The following MYBPC2 variants were observed in gnomAD, a reference collection of about 807,000 sequenced individuals.
The protein encoded by MYBPC2 is myosin-binding protein C, fast-type.
Under a neutral mutation model 137.0 loss-of-function variants are expected in MYBPC2, and 122 were observed. The observed-to-expected ratio is 0.89, with a 90% confidence interval of 0.77 to 1.03. The LOEUF (loss-of-function observed/expected upper bound fraction) is 1.03. Ranked by LOEUF, MYBPC2 falls within the 50% of genes least tolerant of loss-of-function variation. The pLI, the probability that MYBPC2 is intolerant of heterozygous loss-of-function variation, is 0.00. For synonymous variants in MYBPC2, 626 were observed against 612.3 expected (o/e 1.02, Z -0.33); for missense variants, 1,500 against 1,534.4 (o/e 0.98, Z 0.37).
Position 50,465,211 on chromosome 19 carries a change from G to A in MYBPC2, c.3415+679G>A, listed in dbSNP as rs1306056062. 1.3e-5 allele frequency among the ~76,000 whole-genome samples: 2 copies of A among 152,068 alleles called. No homozygotes were observed. Among genetic ancestry groups the A allele is most frequent in the African/African-American group, 4.8e-5 (2 of 41,418 alleles). On this transcript the variant is annotated intron_variant, in intron 27 of 27. Transcript: ENST00000357701. This position sits in a 1 kb window ranked among gnomAD's most constrained non-coding sequence, Gnocchi z 4.5. ...GCCCCTCCGCCTGGTGTTCACGGTG[G>A]TGTGTCCACCCCGGTTCTTCCCACA...
At position 50,461,936 on chromosome 19, in the gene MYBPC2, A is replaced by T. The variant is rs1264253742; in HGVS notation, c.3128A>T (p.Asp1043Val). 1.3e-6 allele frequency: 2 copies of T among 1,595,536 alleles called. No homozygotes were observed. Among genetic ancestry groups the T allele is most frequent in the Admixed American group, 1.7e-5 (1 of 57,514 alleles). Residue 1043 changes from aspartate to valine, a missense_variant, in exon 26 of 28, where the codon GAC becomes GTC. Transcript: ENST00000357701. ...TFKPFEYKEH[D>V]FRMAPKFLTP... is the part of the protein sequence containing the mutation. ...AAACCGTTCGAGTATAAGGAGCATG[A>T]CTTCCGGATGGCTCCCAAGTTCCTG...
At chr19:50,443,845 T>C (rs1210704018) in intron 11 of MYBPC2, 29 bp downstream of exon 11, 26 of 1,588,660 alleles carry the variant, frequency 1.6e-5, no homozygotes, top group Middle Eastern at 1.7e-4. Flanking sequence ...CTGATCTCCA[T>C]ACAGGTGCAC....
chr19:50,443,590 G>A lies in MYBPC2; in HGVS notation c.999G>A (p.Glu333=), dbSNP rs1223476853. 6.2e-7 allele frequency: 1 copy of A among 1,613,428 alleles called. No homozygotes were observed. Among genetic ancestry groups the A allele is most frequent in the Non-Finnish European group, 8.5e-7 (1 of 1,179,622 alleles). ...DAAYEVAVKD[E]KCFTELFVKE... ...CCTATGAAGTAGCTGTCAAGGATGA[G>A]AAGTGTTTCACCGAGCTCTTCGTCA... The change falls in exon 10 of 28, where the codon GAG becomes GAA. Residue 333 remains glutamate (E), a synonymous_variant. Coordinates refer to ENST00000357701, the MANE Select transcript of MYBPC2 (RefSeq NM_004533.4).
chr19:50,456,892 C>T (rs890822914), intron 20 of MYBPC2, among the ~76,000 whole-genome samples: 1 of 152,238 alleles, frequency 6.6e-6, no homozygotes, highest in Admixed American at 6.5e-5. Context: ...CATCCACTCT[C>T]CATCCTCCAC....
At chr19:50,436,505 C>G in intron 4 of MYBPC2, 112 bp from the exon 5 acceptor site, 2 of 996,544 alleles carry the variant, frequency 2.0e-6, no homozygotes, top group South Asian at 1.5e-5. Context: ...CATTGGCCCC[C>G]CTGTGGGGTG....
At chr19:50,453,953 G>A in intron 16 of MYBPC2, 67 bp from the exon 17 acceptor site, 3 of 1,501,810 alleles carry the variant, frequency 2.0e-6, no homozygotes, top group Non-Finnish European at 2.7e-6. Flanking sequence ...CAGGGGAATG[G>A]CAGAGGCAGG....
In MYBPC2 at chr19:50,465,193, C is replaced by T. The variant is rs780418554; in HGVS notation, c.3415+661C>T. 2.6e-5 allele frequency among the ~76,000 whole-genome samples: 4 copies of T among 152,150 alleles called. No individual in the cohort carries two copies. Among genetic ancestry groups the T allele is most frequent in the Non-Finnish European group, 4.4e-5 (3 of 68,018 alleles). ...ACTCCCCACCGCCCCAGCGCCCCTCCGCCTGGTGTTCACGGTGGTGTGTCC... is the reference window on the plus strand; with the variant it reads ...ACTCCCCACCGCCCCAGCGCCCCTCTGCCTGGTGTTCACGGTGGTGTGTCC... On this transcript the variant is annotated intron_variant, in intron 27 of 27. Transcript: ENST00000357701. This position sits in a 1 kb window ranked among gnomAD's most constrained non-coding sequence, Gnocchi z 4.5.
intron 26 of MYBPC2, among the ~76,000 whole-genome samples, chr19:50,462,711 G>C (rs1031098827): frequency 1.3e-5 from 2 of 152,058 alleles, no homozygotes; most frequent in Non-Finnish European, 2.9e-5. Context: ...TGAGTAGCTA[G>C]GATTACAGGC....
At chr19:50,453,928 T>C (rs1403856351) in intron 16 of MYBPC2, 92 bp from the exon 17 acceptor site, 1 of 1,385,068 alleles carries the variant, frequency 7.2e-7, no homozygotes, top group South Asian at 1.4e-5. Flanking sequence ...TGGGGAATCA[T>C]GGGAGGATTC....
chr19:50,436,029 G>A lies in MYBPC2; in HGVS notation c.214G>A (p.Val72Met), dbSNP rs147768888. The A allele has an allele frequency of 9.7e-5, 154 of 1,581,872 alleles. No individual in the cohort carries two copies. Among genetic ancestry groups the A allele is most frequent in the Non-Finnish European group, 1.1e-4 (127 of 1,163,802 alleles). The change falls in exon 4 of 28, where the codon GTG (valine) becomes ATG (methionine). Residue 72 changes from valine (V) to methionine (M), a missense_variant. Physicochemically the swap from Val to Met is conservative, Grantham distance 21 (BLOSUM62 1). Transcript: ENST00000357701. ...CCATGTAGGGAAGGACGCAGTGGTC[G>A]TGGCCAAGGTGAACGGGAAGGAGCT... Reference protein sequence around the residue: ...SVETGKDAVVVAKVNGKELPD... With the variant: ...SVETGKDAVVMAKVNGKELPD...
intron 16 of MYBPC2, among the ~76,000 whole-genome samples, chr19:50,453,273 G>A (rs1021578175): frequency 1.3e-5 from 2 of 151,964 alleles, no homozygotes; most frequent in African/African-American, 4.8e-5. Context: ...TTACTCTTGC[G>A]GAGACGCAAA....
At chr19:50,436,878 C>A in intron 5 of MYBPC2, 144 bp downstream of exon 5, 1 of 701,024 alleles carries the variant, frequency 1.4e-6, no homozygotes, top group Non-Finnish European at 2.4e-6. Flanking sequence ...ATTCTGGGGT[C>A]AGAGTATTCA....
chr19:50,443,826 C>T lies in MYBPC2; in HGVS notation c.1133+10C>T, dbSNP rs2039778289. 1 of 1,609,028 alleles carries T rather than the reference C, an allele frequency of 6.2e-7. No individual in the cohort carries two copies. Among genetic ancestry groups the T allele is most frequent in the South Asian group, 1.1e-5 (1 of 90,680 alleles). ...GTGCCCAGGTGATGTGGTAAGTGAC[C>T]CTTGATCCCTGATCTCCATACAGGT... is the stretch of plus-strand genomic sequence containing the variant. On this transcript the variant is annotated intron_variant, in intron 11 of 27. Transcript: ENST00000357701.
intron 26 of MYBPC2, among the ~76,000 whole-genome samples, chr19:50,463,539 C>T (rs1448933935): frequency 6.6e-6 from 1 of 152,182 alleles, no homozygotes; most frequent in Admixed American, 6.6e-5. Context: ...ATTCTTACAA[C>T]AAACATTTTC....
Position 50,461,801 on chromosome 19 carries a change from C to A in MYBPC2, c.3092-99C>A, listed in dbSNP as rs1194344267. The A allele has an allele frequency of 3.2e-6, 5 of 1,584,942 alleles. No homozygotes were observed. The African/African-American group carries it at 6.7e-5, about 21-fold the overall frequency. On this transcript the variant is annotated intron_variant, in intron 25 of 27. Transcript: ENST00000357701. ...CTCCCCTCCCCACTGGGGTTGACGG[C>A]ACCTAGTCATGGGAGAGAGGTGATT...
In MYBPC2 at chr19:50,466,183, G is replaced by A. The variant is rs777262369; in HGVS notation, c.3416-12G>A. 28 of 1,613,584 alleles carry A rather than the reference G, an allele frequency of 1.7e-5. No individual in the cohort carries two copies. The highest frequency in any genetic ancestry group is 8.8e-5 in the South Asian group (8 of 91,056). ...CCGGGCCTGGCTCACCCGCTTTCTC[G>A]TTTTCCTGCAGTGCCGCAGTGAGAC... is the stretch of plus-strand genomic sequence containing the variant. On this transcript the variant is annotated splice_polypyrimidine_tract_variant and intron_variant, in intron 27 of 27. Coordinates refer to ENST00000357701, the MANE Select transcript of MYBPC2 (RefSeq NM_004533.4). This position sits in a 1 kb window ranked among gnomAD's most constrained non-coding sequence, Gnocchi z 4.9.
Position 50,458,589 on chromosome 19 carries a change from G to A in MYBPC2, c.2341G>A (p.Glu781Lys), listed in dbSNP as rs776668461. The change falls in exon 21 of 28, where the codon GAG becomes AAG. Residue 781 changes from glutamate (E) to lysine (K), a missense_variant and splice_region_variant. Coordinates refer to ENST00000357701, the MANE Select transcript of MYBPC2 (RefSeq NM_004533.4). Reference sequence around the variant, plus strand: ...GCCAGCAGGGCCTCTCTCTCCAGCCGAGGAATGGGTCCCTGCCAACACCGA... The same window carrying A: ...GCCAGCAGGGCCTCTCTCTCCAGCCAAGGAATGGGTCCCTGCCAACACCGA... ...YLVEYCLEGSEEWVPANTEPV... is the reference protein window; with the variant it reads ...YLVEYCLEGSKEWVPANTEPV... 1.3e-5 allele frequency: 21 copies of A among 1,611,526 alleles called. No homozygotes were observed. The East Asian group carries it at 2.2e-4, about 17-fold the overall frequency.
chr19:50,462,550 C>A (rs969301316), intron 26 of MYBPC2, among the ~76,000 whole-genome samples: 5 of 152,006 alleles, frequency 3.3e-5, no homozygotes, highest in African/African-American at 1.2e-4. Context: ...CTCAGACAAT[C>A]AATCACATCT....
chr19:50,448,045 T>G (rs568420222), intron 12 of MYBPC2, among the ~76,000 whole-genome samples, 180 bp from the exon 13 acceptor site: 1 of 152,238 alleles, frequency 6.6e-6, no homozygotes, highest in Non-Finnish European at 1.5e-5. Context: ...CCTCCTCTGT[T>G]TCTTTCTTCA....
Sources: gnomAD v4.1 joint callset for allele counts (sites outside exome capture counted in the v4.1 genomes callset) on GRCh38, gnomAD v4.1.1 for gene constraint, Gnocchi (gnomAD v3.1) non-coding constraint, MANE v1.5 for transcripts, NCBI Gene and HGNC (gene_info 2026-07-23, HGNC 2026-07-21) for gene names.